FCAR: variants seen among roughly 807,000 people sequenced by gnomAD.
FCAR encodes immunoglobulin alpha Fc receptor.
Under a neutral mutation model 27.1 loss-of-function variants are expected in FCAR, and 21 were observed. The ratio of observed to expected loss-of-function variants is 0.77; its 90% CI spans 0.55 to 1.11. The LOEUF (loss-of-function observed/expected upper bound fraction) is 1.11, where lower values mean the gene tolerates loss of function less well. Among genes scored for constraint, FCAR ranks in the 50% most tolerant of loss-of-function variants. The pLI is 0.00. For synonymous variants in FCAR, 134 were observed against 135.8 expected (o/e 0.99, Z 0.09); for missense variants, 404 against 358.4 (o/e 1.13, Z -1.03).
chr19:54,875,192 C>T (rs2066024323), intron 1 of FCAR, 138 bp from the exon 2 acceptor site: 1 of 645,700 alleles, frequency 1.5e-6, no homozygotes, highest in Non-Finnish European at 2.7e-6. Flanking sequence ...AAAATGCCAG[C>T]TCTTCTTTAT....
intron 2 of FCAR, among the ~76,000 whole-genome samples, chr19:54,883,350 A>G (rs1269305908): frequency 6.6e-6 from 1 of 152,048 alleles, no homozygotes; most frequent in Non-Finnish European, 1.5e-5. Context: ...CGCCTGGTCC[A>G]TTCTTGGGCC....
At chr19:54,878,719 G>A (rs1216349874) in intron 2 of FCAR, among the ~76,000 whole-genome samples, 2 of 136,608 alleles carry the variant, frequency 1.5e-5, no homozygotes, top group Non-Finnish European at 3.1e-5. Flanking sequence ...TATAAAGTCT[G>A]TTTTGTCTGA....
chr19:54,877,083 T>C (rs969572230), intron 2 of FCAR, among the ~76,000 whole-genome samples: 1 of 152,188 alleles, frequency 6.6e-6, no homozygotes, highest in African/African-American at 2.4e-5. Context: ...GTCTCTGCCA[T>C]GTTTTTGCAT....
At chr19:54,880,305 T>C (rs587632378) in intron 2 of FCAR, among the ~76,000 whole-genome samples, 2 of 152,360 alleles carry the variant, frequency 1.3e-5, no homozygotes, top group East Asian at 3.9e-4. Flanking sequence ...AGAGCCAGTA[T>C]TCATGCTCTG....
chr19:54,874,853 T>G (rs1471754115), intron 1 of FCAR, among the ~76,000 whole-genome samples: 2 of 152,140 alleles, frequency 1.3e-5, no homozygotes, highest in African/African-American at 4.8e-5. Flanking sequence ...AGGATTTTTT[T>G]CAATAGTTTC....
At chr19:54,881,918 AATAAATAAATAAATTG>A (rs1250919113) in intron 2 of FCAR, among the ~76,000 whole-genome samples, 11 of 22,906 alleles carry the variant, frequency 4.8e-4, no homozygotes, top group African/African-American at 2.0e-3. Flanking sequence ...TAAATAAATA[AATAAATAAATAAATTG>A]AAGCATGAAT....
chr19:54,889,061 C>G (rs2066915478), intron 4 of FCAR: 1 of 176,414 alleles, frequency 5.7e-6, no homozygotes, highest in Non-Finnish European at 1.0e-5. Context: ...GAACGAGACT[C>G]CACCTCAAGA....
rs587750291 is a variant in FCAR at position 54,881,874 on chromosome 19, C to A, written c.71-3361C>A. On this transcript the variant is annotated intron_variant, in intron 2 of 4. Coordinates refer to ENST00000355524, the MANE Select transcript of FCAR (RefSeq NM_002000.4). ...GCAGCGTGGGCGACAGAGCGAGACT[C>A]CGTCTCAAATAAATAAATAAATAAA... 1.0e-3 allele frequency among the ~76,000 whole-genome samples: 157 copies of A among 149,968 alleles called. 1 individual carries two copies. Among genetic ancestry groups the A allele is most frequent in the African/African-American group, 3.8e-3 (153 of 40,756 alleles).
At chr19:54,888,406 T>TC in intron 4 of FCAR, 112 bp downstream of exon 4, 2 of 1,507,946 alleles carry the variant, frequency 1.3e-6, no homozygotes, top group Non-Finnish European at 1.8e-6. Flanking sequence ...GCAAAGGCTC[T>TC]CACTCCAGGA....
Position 54,885,306 on chromosome 19 carries a change from C to G in FCAR, c.142C>G (p.Gln48Glu), listed in dbSNP as rs1346875634. ...TCCCTTGGATGGATCTGTGAAAATC[C>G]AGTGCCAGGCCATTCGTGAAGCTTA... ...VIPLDGSVKIQCQAIREAYLT... is the reference protein window; with the variant it reads ...VIPLDGSVKIECQAIREAYLT... The change falls in exon 3 of 5, where the codon CAG (glutamine) becomes GAG (glutamate). Residue 48 changes from glutamine to glutamate, a missense_variant. By Grantham distance (29) the Gln-to-Glu change is conservative. Transcript: ENST00000355524. 1 of 1,613,824 alleles carries G rather than the reference C, an allele frequency of 6.2e-7. No individual in the cohort carries two copies. Among genetic ancestry groups the G allele is most frequent in the Non-Finnish European group, 8.5e-7 (1 of 1,179,946 alleles).
intron 2 of FCAR, among the ~76,000 whole-genome samples, chr19:54,883,438 T>G (rs2145890216): frequency 1.3e-5 from 2 of 152,158 alleles, no homozygotes; most frequent in East Asian, 3.9e-4. Context: ...CGGGGCTCCC[T>G]CAGGCAGGGC....
chr19:54,888,729 C>A (rs2066896898), intron 4 of FCAR: 1 of 760,902 alleles, frequency 1.3e-6, no homozygotes, highest in Non-Finnish European at 1.6e-6. Flanking sequence ...TGGTCTCGAA[C>A]TCCCGACCTC....
intron 2 of FCAR, among the ~76,000 whole-genome samples, chr19:54,876,277 A>C (rs927321689): frequency 1.6e-4 from 25 of 152,190 alleles, no homozygotes; most frequent in African/African-American, 5.8e-4. Flanking sequence ...ACCTGCAAAC[A>C]GGGATAGTTT....
chr19:54,876,565 A>G (rs1392602133), intron 2 of FCAR, among the ~76,000 whole-genome samples: 2 of 152,106 alleles, frequency 1.3e-5, no homozygotes. Flanking sequence ...CAAAAGCTCT[A>G]TTGAGAGGAT....
At chr19:54,876,644 G>A (rs1228717748) in intron 2 of FCAR, among the ~76,000 whole-genome samples, 1 of 152,172 alleles carries the variant, frequency 6.6e-6, no homozygotes, top group African/African-American at 2.4e-5. Flanking sequence ...TATTGGCCGG[G>A]CACTGTGGCT....
chr19:54,878,084 TTTTTTTGTATTTTTAGTAA>T (rs1305166252), intron 2 of FCAR, among the ~76,000 whole-genome samples: 4 of 151,980 alleles, frequency 2.6e-5, no homozygotes, highest in Non-Finnish European at 5.9e-5. Flanking sequence ...CCCGGCTAAT[TTTTTTTGTATTTTTAGTAA>T]AGACGGGGTT....
rs535382825 is a variant in FCAR, at chr19:54,874,323, G to A, written c.34G>A (p.Val12Met). Residue 12 changes from valine to methionine, a missense_variant and splice_region_variant, in exon 1 of 5, where the codon GTG (valine) becomes ATG (methionine). Val to Met is a conservative substitution (Grantham distance 21, BLOSUM62 1). Transcript: ENST00000355524. ...DPKQTTLLCLVLCLGQRIQAQ... is the reference protein window; with the variant it reads ...DPKQTTLLCLMLCLGQRIQAQ... ...CAAACAGACCACCCTCCTGTGTCTT[G>A]GTGAGTTTCAGAGTAAAAGTGGGTT... 7 of 1,614,168 alleles carry A rather than the reference G, an allele frequency of 4.3e-6. No homozygotes were observed. Among genetic ancestry groups the A allele is most frequent in the East Asian group, 4.5e-5 (2 of 44,878 alleles).
At chr19:54,887,118 T>C (rs2066778620) in intron 3 of FCAR, among the ~76,000 whole-genome samples, 1 of 151,682 alleles carries the variant, frequency 6.6e-6, no homozygotes, top group South Asian at 2.1e-4. Flanking sequence ...GAGACCAGCC[T>C]GGGCAACATA....
In FCAR at chr19:54,889,713, C is replaced by T. The variant is rs944126574; in HGVS notation, c.714C>T (p.Leu238=). ...LIRMAVAGLV[L]VALLAILVEN... ...GCATGGCCGTGGCAGGACTGGTCCT[C>T]GTGGCTCTCTTGGCCATACTGGTTG... Residue 238 remains leucine, a synonymous_variant, in exon 5 of 5, where the codon CTC becomes CTT. Transcript: ENST00000355524. 5.0e-6 allele frequency: 8 copies of T among 1,614,002 alleles called. No homozygotes were observed. In the Admixed American group the frequency reaches 5.0e-5, roughly 10 times the overall value.
Sources: allele counts gnomAD v4.1 joint callset (sites outside exome capture counted in the v4.1 genomes callset), GRCh38; gene constraint gnomAD v4.1.1; transcripts MANE v1.5; gene names NCBI Gene and HGNC (gene_info 2026-07-23, HGNC 2026-07-21).